Variants in CCDC88C observed in about 807,000 individuals in gnomAD.
CCDC88C encodes protein Daple.
In CCDC88C, 131 loss-of-function variants were observed where a neutral mutation model predicts 198.8. The ratio of observed to expected loss-of-function variants is 0.66; its 90% CI spans 0.57 to 0.76. The LOEUF (loss-of-function observed/expected upper bound fraction) is 0.76. Among genes scored for constraint, CCDC88C ranks in the 30% least tolerant of loss-of-function variants. The pLI is 0.00. For missense variants in CCDC88C, 2,553 were observed against 2,631.6 expected, an observed-to-expected ratio of 0.97 and a Z score of 0.65; for synonymous variants, 1,166 against 1,114.7, an observed-to-expected ratio of 1.05 and a Z score of -0.92.
At chr14:91,306,860 C>T (rs142778375) in intron 18 of CCDC88C, among the ~76,000 whole-genome samples, 178 bp downstream of exon 18, 11 of 152,330 alleles carry the variant, frequency 7.2e-5, no homozygotes, top group East Asian at 1.9e-4. Flanking sequence ...GTGAGAATCA[C>T]GGAAGGGACC....
In CCDC88C at chr14:91,315,703, T is replaced by C; in HGVS notation, c.1612A>G (p.Lys538Glu). The change falls in exon 14 of 30, where the codon AAG (lysine) becomes GAG (glutamate). Residue 538 changes from lysine to glutamate, a missense_variant. Physicochemically the swap from Lys to Glu is moderately conservative, Grantham distance 56 (BLOSUM62 1). This residue lies in a region of CCDC88C where 1,260 missense variants were observed against 1,412.0 expected (regional missense o/e 0.89). Transcript: ENST00000389857. ...ETLSEELIRE[K>E]EQLQSDMETL... ...TCCATGTCACTCTGCAGCTGCTCCT[T>C]CTCTCTGATCAGCTCCTCACTGAGG... The C allele has an allele frequency of 6.2e-7, 1 of 1,613,822 alleles. No individual in the cohort carries two copies. The highest frequency in any genetic ancestry group is 8.5e-7 in the Non-Finnish European group (1 of 1,179,820).
chr14:91,365,817 C>CT (rs964597637), intron 3 of CCDC88C, among the ~76,000 whole-genome samples: 19 of 152,268 alleles, frequency 1.2e-4, no homozygotes, highest in African/African-American at 4.3e-4. Flanking sequence ...GAACAGCACT[C>CT]TAACAGTCTT....
intron 4 of CCDC88C, among the ~76,000 whole-genome samples, chr14:91,350,842 C>T (rs182547983): frequency 3.3e-4 from 50 of 152,300 alleles, no homozygotes; most frequent in South Asian, 1.4e-3. Flanking sequence ...CCTTAATATA[C>T]GGCATGCTAC....
chr14:91,313,744 T>C lies in CCDC88C; in HGVS notation c.2072A>G (p.Gln691Arg), dbSNP rs1418140193. The C allele has an allele frequency of 1.9e-6, 3 of 1,609,006 alleles. No homozygotes were observed. The highest frequency in any genetic ancestry group is 1.7e-6 in the Non-Finnish European group (2 of 1,179,800). Residue 691 changes from glutamine to arginine, a missense_variant, in exon 15 of 30, where the codon CAG becomes CGG. By Grantham distance (43) the Gln-to-Arg change is conservative (BLOSUM62 1). Coordinates refer to ENST00000389857, the MANE Select transcript of CCDC88C (RefSeq NM_001080414.4). The surrounding 1 kb of genome is among the most constrained non-coding windows in gnomAD (Gnocchi z 5.2). ...GTTGTCACGCTCCAGGCCCTCAAGC[T>C]GCAGGGACACGTTCTGCAAGGTGTC... The part of the protein sequence containing the change: ...SLDTLQNVSL[Q>R]LEGLERDNKQ...
intron 21 of CCDC88C, among the ~76,000 whole-genome samples, chr14:91,298,291 G>A (rs900729233): frequency 2.0e-5 from 3 of 152,016 alleles, no homozygotes; most frequent in Non-Finnish European, 1.5e-5. Flanking sequence ...AAAAGTTGCC[G>A]GGAACCCGGG....
At chr14:91,365,380 G>A (rs773981338) in intron 3 of CCDC88C, among the ~76,000 whole-genome samples, 4 of 152,184 alleles carry the variant, frequency 2.6e-5, no homozygotes, top group Admixed American at 6.5e-5. Context: ...CTCCACCTAC[G>A]GTGGCCCCTC....
intron 23 of CCDC88C, 78 bp downstream of exon 23, chr14:91,294,095 G>C (rs1279180154): frequency 1.3e-6 from 2 of 1,560,572 alleles, no homozygotes; most frequent in Non-Finnish European, 1.8e-6. Flanking sequence ...CTCTGCATGG[G>C]AAGCCAGGAC....
rs534196157 is a variant in CCDC88C at position 91,308,287 on chromosome 14, G to A, written c.3006+64C>T. ...GGCCACCCCACTGCTATACAGGTGA[G>A]GGGCTGGAAAGGGTGAGGCTGAGAA... On this transcript the variant is annotated intron_variant, in intron 17 of 29. Coordinates refer to ENST00000389857, the MANE Select transcript of CCDC88C (RefSeq NM_001080414.4). 10 of 1,592,328 alleles carry A rather than the reference G, an allele frequency of 6.3e-6. No homozygotes were observed. In the African/African-American group the frequency reaches 1.3e-4, roughly 21 times the overall value.
chr14:91,299,793 C>G (rs111426928), intron 21 of CCDC88C, 134 bp downstream of exon 21: 1 of 1,222,860 alleles, frequency 8.2e-7, no homozygotes, highest in African/African-American at 1.5e-5. Flanking sequence ...TTTTACCCAC[C>G]CAGCTGTTCA....
In CCDC88C at chr14:91,288,425, T is replaced by C. The variant is rs1485736159; in HGVS notation, c.4441+680A>G. On this transcript the variant is annotated intron_variant, in intron 25 of 29. Transcript: ENST00000389857. This position sits in a 1 kb window ranked among gnomAD's most constrained non-coding sequence, Gnocchi z 4.2. ...CCCAAGGCTTTCGGGAGGTCTTATA[T>C]ACATGGAGAACGTGTTGAGTGCACC... Among the ~76,000 whole-genome samples, 1 of 152,202 alleles carries C rather than the reference T, an allele frequency of 6.6e-6. No individual in the cohort carries two copies. The highest frequency in any genetic ancestry group is 1.5e-5 in the Non-Finnish European group (1 of 68,022).
At position 91,272,662 on chromosome 14, in the gene CCDC88C, TC is replaced by T. The variant is rs1211559191; in HGVS notation, c.6049del (p.Asp2017IlefsTer48). The T allele has an allele frequency of 2.5e-6, 4 of 1,611,358 alleles. No homozygotes were observed. The highest frequency in any genetic ancestry group is 2.7e-5 in the African/African-American group (2 of 74,916). On this transcript the variant is annotated frameshift_variant, in exon 30 of 30. Transcript: ENST00000389857. LOFTEE classifies it high-confidence loss of function. ...GTACTCATACCACACGGTCTGCGGA[TC>T]CCCGCCGGGCTCCGGGGAGGCCGGA... ...SSPASPEPGG[D>X]PQTVWYEYGC...
chr14:91,339,582 C>T lies in CCDC88C; in HGVS notation c.625-120G>A. The T allele has an allele frequency of 1.9e-6, 2 of 1,027,468 alleles. No individual in the cohort carries two copies. The highest frequency in any genetic ancestry group is 2.8e-6 in the Non-Finnish European group (2 of 714,988). 63.6% of individuals were successfully genotyped at this position (1,027,468 alleles called of 1,614,324 possible). ...AGATATTTCAGCGGAGACTAAGAAA[C>T]GAGGAGGAAGGTGGGAAAAGGCTGG... On this transcript the variant is annotated intron_variant, in intron 7 of 29. Coordinates refer to ENST00000389857, the MANE Select transcript of CCDC88C (RefSeq NM_001080414.4). This position sits in a 1 kb window ranked among gnomAD's most constrained non-coding sequence, Gnocchi z 5.8.
At chr14:91,314,692 A>G (rs1371642764) in intron 14 of CCDC88C, among the ~76,000 whole-genome samples, 1 of 151,966 alleles carries the variant, frequency 6.6e-6, no homozygotes, top group African/African-American at 2.4e-5. Flanking sequence ...TCTCAGTAGC[A>G]CCCTCCTGAG....
At chr14:91,363,412 T>C (rs976468188) in intron 3 of CCDC88C, among the ~76,000 whole-genome samples, 3 of 152,016 alleles carry the variant, frequency 2.0e-5, no homozygotes, top group Non-Finnish European at 4.4e-5. Flanking sequence ...TGCCCGGCCT[T>C]TGCATTCTTT....
intron 17 of CCDC88C, among the ~76,000 whole-genome samples, chr14:91,307,495 C>A (rs540852988): frequency 1.5e-4 from 23 of 152,364 alleles, no homozygotes; most frequent in South Asian, 2.1e-4. Flanking sequence ...CATGTGGCTT[C>A]CTGCTTTCCT....
chr14:91,358,921 C>A (rs909427952), intron 4 of CCDC88C, among the ~76,000 whole-genome samples: 1 of 152,104 alleles, frequency 6.6e-6, no homozygotes, highest in Admixed American at 6.5e-5. Context: ...GCTCCGTCAC[C>A]GAGCATGAAC....
intron 2 of CCDC88C, among the ~76,000 whole-genome samples, chr14:91,409,413 C>T (rs749504464): frequency 9.9e-5 from 15 of 151,890 alleles, no homozygotes; most frequent in Non-Finnish European, 2.1e-4. Flanking sequence ...CTCCTCAAGC[C>T]ATCCTCCTGC....
intron 6 of CCDC88C, among the ~76,000 whole-genome samples, chr14:91,341,453 GC>G (rs1425745413): frequency 6.6e-6 from 1 of 152,220 alleles, no homozygotes; most frequent in African/African-American, 2.4e-5. Flanking sequence ...TGAAGCCCAG[GC>G]CCAATGGCCC....
At chr14:91,294,146 A>G (rs112850745) in intron 23 of CCDC88C, 27 bp downstream of exon 23, 3 of 1,612,360 alleles carry the variant, frequency 1.9e-6, no homozygotes, top group Non-Finnish European at 1.7e-6. Context: ...GAGGGTGCGG[A>G]GAGGGGTTCA....
Sources: gnomAD v4.1 joint callset for allele counts (sites outside exome capture counted in the v4.1 genomes callset) on GRCh38, gnomAD v4.1.1 for gene constraint, gnomAD v4.1.1 regional missense constraint, Gnocchi (gnomAD v3.1) non-coding constraint, MANE v1.5 for transcripts, NCBI Gene and HGNC (gene_info 2026-07-23, HGNC 2026-07-21) for gene names.